ARMCX4: variants seen among roughly 807,000 people sequenced by gnomAD.
ARMCX4 encodes armadillo repeat-containing X-linked protein 4.
A neutral mutation model predicts 34.7 loss-of-function variants in ARMCX4; 3 were observed. That is an observed-to-expected ratio of 0.09 (90% CI 0.04 to 0.22). The LOEUF is 0.22. ARMCX4 is among the 10% of genes least tolerant of loss of function. The pLI is 1.00. For synonymous variants in ARMCX4, 513 were observed against 632.8 expected, an observed-to-expected ratio of 0.81 and a Z score of 2.84; for missense variants, 1,448 against 1,720.8, an observed-to-expected ratio of 0.84 and a Z score of 2.81.
chrX:101,491,759 C>T lies in ARMCX4; in HGVS notation c.3170C>T (p.Thr1057Ile). The T allele has an allele frequency of 8.6e-7, 1 of 1,156,371 alleles. No individual in the cohort carries two copies. Among genetic ancestry groups the T allele is most frequent in the Non-Finnish European group, 1.1e-6 (1 of 872,856 alleles). ...ATGTCCACTTCTGAGGCAGAAGCCACAGCAGAAGATGAGGCCTATGCAAAG... is the reference window on the plus strand; with the variant it reads ...ATGTCCACTTCTGAGGCAGAAGCCATAGCAGAAGATGAGGCCTATGCAAAG... ...KSMSTSEAEA[T>I]AEDEAYAKPE... Residue 1057 changes from threonine (T) to isoleucine (I), a missense_variant, in exon 6 of 6, where the codon ACA (threonine) becomes ATA (isoleucine). Thr to Ile is a moderately conservative substitution (Grantham distance 89, BLOSUM62 -1). This residue lies in a region of ARMCX4 where 1,343 missense variants were observed against 1,540.7 expected (regional missense o/e 0.87). Transcript: ENST00000423738.
At chrX:101,535,347 A>G (rs782046389), downstream of ARMCX4, among the ~76,000 whole-genome samples, 4 of 111,778 alleles carry the variant, frequency 3.6e-5, no homozygotes, top group South Asian at 1.1e-3. Flanking sequence ...TTTTAAACAA[A>G]CTTCCTAGGT....
intron 4 of ARMCX4, among the ~76,000 whole-genome samples, chrX:101,478,753 T>C (rs1456890736): frequency 9.0e-6 from 1 of 111,061 alleles, no homozygotes; most frequent in Non-Finnish European, 1.9e-5. Flanking sequence ...AGATGAGATG[T>C]GAAAACAGCA....
chrX:101,489,573 C>T lies in ARMCX4; in HGVS notation c.984C>T (p.Thr328=), dbSNP rs1933886626. 13 of 1,154,328 alleles carry T rather than the reference C, an allele frequency of 1.1e-5. No individual in the cohort carries two copies. The East Asian group carries it at 3.9e-4, about 35-fold the overall frequency. The change falls in exon 6 of 6, where the codon ACC becomes ACT. Residue 328 remains threonine, a synonymous_variant. Coordinates refer to ENST00000423738, the MANE Select transcript of ARMCX4 (RefSeq NM_001256155.3). ...ASAQPQIFAK[T]QTEAIPGAKI... is the part of the protein sequence containing the mutation. Reference sequence around the variant, plus strand: ...CTCAGCCTCAAATTTTTGCCAAAACCCAGACTGAGGCCATTCCTGGGGCAA... The same window carrying T: ...CTCAGCCTCAAATTTTTGCCAAAACTCAGACTGAGGCCATTCCTGGGGCAA...
Position 101,490,163 on chromosome X carries a change from G to C in ARMCX4, c.1574G>C (p.Arg525Thr). 8.7e-7 allele frequency: 1 copy of C among 1,155,073 alleles called. No individual in the cohort carries two copies. The highest frequency in any genetic ancestry group is 1.1e-6 in the Non-Finnish European group (1 of 872,185). The change falls in exon 6 of 6, where the codon AGA becomes ACA. Residue 525 changes from arginine to threonine, a missense_variant. Coordinates refer to ENST00000423738, the MANE Select transcript of ARMCX4 (RefSeq NM_001256155.3). ...CAGGGTGAAGCCTTACCTAATACTA[G>C]AGGTAAGGCTAGGGGCAAAGCCAAA... ...QSQGEALPNTRGKARGKAKAK... is the reference protein window; with the variant it reads ...QSQGEALPNTTGKARGKAKAK...
chrX:101,528,833 AG>A (rs1165202850), intron 11 of ARMCX4, among the ~76,000 whole-genome samples: 1 of 111,256 alleles, frequency 9.0e-6, no homozygotes, highest in Non-Finnish European at 1.9e-5. Flanking sequence ...GAGATAAAAA[AG>A]GACACAAACA....
chrX:101,524,043 A>G (rs1442636865), intron 11 of ARMCX4, among the ~76,000 whole-genome samples: 1 of 110,521 alleles, frequency 9.0e-6, no homozygotes, highest in Non-Finnish European at 1.9e-5. Context: ...AGAATCCCTG[A>G]ACCACTGCAC....
At chrX:101,513,350 T>C (rs1556016911) in intron 11 of ARMCX4, among the ~76,000 whole-genome samples, 1 of 111,508 alleles carries the variant, frequency 9.0e-6, no homozygotes, top group Non-Finnish European at 1.9e-5. Context: ...TCTCTAAATA[T>C]AGACAATAAC....
chrX:101,477,708 A>G (rs1933263280), intron 4 of ARMCX4, among the ~76,000 whole-genome samples: 1 of 110,421 alleles, frequency 9.1e-6, no homozygotes, highest in Non-Finnish European at 1.9e-5. Flanking sequence ...GGTACACAGA[A>G]AAAGAAAACT....
chrX:101,437,683 G>A (rs1372459027), intron 2 of ARMCX4, among the ~76,000 whole-genome samples: 1 of 111,027 alleles, frequency 9.0e-6, no homozygotes, highest in Non-Finnish European at 1.9e-5. Flanking sequence ...CTTGCCTTCT[G>A]CTAGCTTTTG....
chrX:101,520,555 G>A (rs1390808094), intron 11 of ARMCX4, among the ~76,000 whole-genome samples: 3 of 111,812 alleles, frequency 2.7e-5, no homozygotes, highest in Non-Finnish European at 5.7e-5. Context: ...TTTAAATCTG[G>A]CATATTACGT....
In ARMCX4 at chrX:101,494,322, T is replaced by C. The variant is rs1934124840; in HGVS notation, c.5733T>C (p.Ser1911=). The change falls in exon 6 of 6, where the codon AGT becomes AGC. Residue 1911 remains serine, a synonymous_variant. Transcript: ENST00000423738. ...TGTTTTGGGCTGAGAGTGAGAACAG[T>C]AATACGTTCAGATCTAAGAGTGGGA... ...RSLFWAESEN[S]NTFRSKSGKD... is the part of the protein sequence containing the mutation. 1 of 1,154,539 alleles carries C rather than the reference T, an allele frequency of 8.7e-7. No individual in the cohort carries two copies. Among genetic ancestry groups the C allele is most frequent in the Non-Finnish European group, 1.1e-6 (1 of 872,265 alleles).
chrX:101,524,011 T>G (rs782618962), intron 11 of ARMCX4, among the ~76,000 whole-genome samples: 1 of 110,290 alleles, frequency 9.1e-6, no homozygotes, highest in South Asian at 4.0e-4. Flanking sequence ...TTTATCCTTA[T>G]GTCCTGCCTT....
chrX:101,459,173 C>T (rs1932482623), intron 4 of ARMCX4, among the ~76,000 whole-genome samples: 1 of 112,072 alleles, frequency 8.9e-6, no homozygotes, highest in Non-Finnish European at 1.9e-5. Flanking sequence ...TTTGCCCTTC[C>T]TTTCCCTTAT....
intron 4 of ARMCX4, among the ~76,000 whole-genome samples, chrX:101,476,874 A>G (rs782320140): frequency 7.2e-5 from 8 of 111,823 alleles, no homozygotes; most frequent in South Asian, 3.7e-4. Flanking sequence ...AAGCAAGAAG[A>G]AAAAAATCAC....
intron 11 of ARMCX4, among the ~76,000 whole-genome samples, chrX:101,525,320 G>A (rs782521022): frequency 2.1e-4 from 23 of 111,625 alleles, no homozygotes; most frequent in Non-Finnish European, 2.8e-4. Context: ...GTAGGTCACC[G>A]TCATCAAAGA....
At chrX:101,464,835 G>T (rs1932764470) in intron 4 of ARMCX4, among the ~76,000 whole-genome samples, 1 of 111,645 alleles carries the variant, frequency 9.0e-6, no homozygotes, top group Non-Finnish European at 1.9e-5. Flanking sequence ...AACATCACTT[G>T]GTCTCCAAGG....
chrX:101,437,045 C>G (rs782327246), intron 2 of ARMCX4, among the ~76,000 whole-genome samples: 71 of 111,612 alleles, frequency 6.4e-4, no homozygotes, highest in Non-Finnish European at 9.6e-4. Context: ...GATTCAGTTT[C>G]CCAGTATTTT....
At chrX:101,443,147 A>G (rs1228445319) in intron 2 of ARMCX4, among the ~76,000 whole-genome samples, 1 of 109,720 alleles carries the variant, frequency 9.1e-6, no homozygotes, top group Non-Finnish European at 1.9e-5. Context: ...AAAAAAAAAA[A>G]AAAGAAATAT....
intron 4 of ARMCX4, among the ~76,000 whole-genome samples, chrX:101,453,970 T>C (rs1404405105): frequency 9.0e-6 from 1 of 110,813 alleles, no homozygotes; most frequent in African/African-American, 3.3e-5. Context: ...CCTATATACC[T>C]CTGTAAGCCA....
Sources: gnomAD v4.1 joint callset for allele counts (sites outside exome capture counted in the v4.1 genomes callset) on GRCh38, gnomAD v4.1.1 for gene constraint, gnomAD v4.1.1 regional missense constraint, MANE v1.5 for transcripts, NCBI Gene and HGNC (gene_info 2026-07-23, HGNC 2026-07-21) for gene names.